The following WWOX variants were observed in gnomAD, a reference collection of about 807,000 sequenced individuals.
WWOX encodes the protein WW domain-containing oxidoreductase.
A neutral mutation model predicts 46.2 loss-of-function variants in WWOX; 69 were observed. The observed-to-expected ratio is 1.49, with a 90% CI of 1.23 to 1.82. WWOX has a LOEUF of 1.82. Ranked by LOEUF, WWOX falls within the 40% of genes most tolerant of loss-of-function variation. WWOX has a pLI of 0.00. For synonymous variants in WWOX, 359 were observed against 202.6 expected (o/e 1.77, Z -6.56); for missense variants, 919 against 542.6 (o/e 1.69, Z -6.89).
intron 5 of WWOX, among the ~76,000 whole-genome samples, chr16:78,196,152 C>G (rs975420395): frequency 6.6e-6 from 1 of 152,160 alleles, no homozygotes; most frequent in Non-Finnish European, 1.5e-5. Context: ...AATAATCTAC[C>G]TTTAAGGAAG....
chr16:78,877,269 C>T (rs1484698898), intron 8 of WWOX, among the ~76,000 whole-genome samples: 2 of 141,130 alleles, frequency 1.4e-5, no homozygotes, highest in East Asian at 2.1e-4. Flanking sequence ...TCTGTATGCC[C>T]TGCCTGCCTC....
At chr16:78,794,579 G>C (rs910834916) in intron 8 of WWOX, among the ~76,000 whole-genome samples, 1 of 152,180 alleles carries the variant, frequency 6.6e-6, no homozygotes, top group Non-Finnish European at 1.5e-5. Context: ...ATACCTCTTA[G>C]TGTTGCTGTG....
intron 8 of WWOX, among the ~76,000 whole-genome samples, chr16:78,908,267 C>T (rs572107498): frequency 7.9e-5 from 12 of 152,054 alleles, no homozygotes; most frequent in Admixed American, 3.3e-4. Context: ...GGTCCAGGCA[C>T]GGTGGCTCAT....
intron 8 of WWOX, among the ~76,000 whole-genome samples, chr16:78,516,180 C>G (rs1164892264): frequency 6.6e-6 from 1 of 152,184 alleles, no homozygotes; most frequent in Non-Finnish European, 1.5e-5. Flanking sequence ...AAGACCACAG[C>G]TGACAGCGCC....
intron 8 of WWOX, among the ~76,000 whole-genome samples, chr16:78,497,574 G>A (rs4243158): frequency 0.63 from 95,389 of 152,160 alleles, 33,740 homozygotes; most frequent in East Asian, 0.81. Flanking sequence ...GTGATAAGGG[G>A]TTAATATTCA....
intron 8 of WWOX, among the ~76,000 whole-genome samples, chr16:78,913,791 A>C (rs1376431452): frequency 6.6e-6 from 1 of 151,832 alleles, no homozygotes; most frequent in Non-Finnish European, 1.5e-5. Context: ...CCTCCTGAAT[A>C]GCTGGGACTA....
chr16:78,780,987 G>T (rs749624069), intron 8 of WWOX, among the ~76,000 whole-genome samples: 1 of 152,182 alleles, frequency 6.6e-6, no homozygotes, highest in Non-Finnish European at 1.5e-5. Flanking sequence ...CTGCAGACTG[G>T]TGTGGCCGAA....
intron 8 of WWOX, among the ~76,000 whole-genome samples, chr16:78,802,788 C>T (rs564875254): frequency 1.1e-4 from 17 of 151,100 alleles, no homozygotes; most frequent in South Asian, 2.1e-4. Flanking sequence ...TGGTGGTGGG[C>T]GCCTGTAATC....
intron 8 of WWOX, among the ~76,000 whole-genome samples, chr16:78,763,152 T>C (rs1158342968): frequency 6.6e-6 from 1 of 152,246 alleles, no homozygotes; most frequent in East Asian, 1.9e-4. Flanking sequence ...CTGAAAGCGT[T>C]ACAGTCAAGG....
At chr16:78,202,054 C>G (rs1031851935) in intron 5 of WWOX, among the ~76,000 whole-genome samples, 1 of 152,056 alleles carries the variant, frequency 6.6e-6, no homozygotes, top group Admixed American at 6.6e-5. Flanking sequence ...GTAACCACCC[C>G]TTTCCTTTCC....
At position 78,501,692 on chromosome 16, in the gene WWOX, A is replaced by C. The variant is rs530713810; in HGVS notation, c.1056+68940A>C. ...ACTAGGATTACAGGCATCCGCCACC[A>C]TGCTTGGGTAATTTTTGTACTTTTA... On this transcript the variant is annotated intron_variant, in intron 8 of 8. Coordinates refer to ENST00000566780, the MANE Select transcript of WWOX (RefSeq NM_016373.4). 4.6e-5 allele frequency among the ~76,000 whole-genome samples: 7 copies of C among 152,128 alleles called. No homozygotes were observed. The South Asian group carries it at 1.5e-3, about 32-fold the overall frequency.
chr16:79,156,978 A>G (rs1438119905), intron 8 of WWOX, among the ~76,000 whole-genome samples: 1 of 152,244 alleles, frequency 6.6e-6, no homozygotes, highest in African/African-American at 2.4e-5. Context: ...TGTTGCAGAT[A>G]CCCTGAAGAA....
chr16:78,303,962 C>G (rs2080089161), intron 5 of WWOX, among the ~76,000 whole-genome samples: 1 of 152,228 alleles, frequency 6.6e-6, no homozygotes, highest in Admixed American at 6.5e-5. Flanking sequence ...CTAGCAGCTT[C>G]TTTTAGAGCC....
chr16:78,817,688 C>A (rs572835540), intron 8 of WWOX, among the ~76,000 whole-genome samples: 2 of 152,098 alleles, frequency 1.3e-5, no homozygotes, highest in Non-Finnish European at 2.9e-5. Context: ...TGGTGGCAAA[C>A]GGGCCCTGTC....
intron 8 of WWOX, among the ~76,000 whole-genome samples, chr16:78,742,633 C>T (rs939542427): frequency 2.0e-5 from 3 of 152,276 alleles, no homozygotes; most frequent in East Asian, 1.9e-4. Flanking sequence ...GCCCTGGCTG[C>T]GCTGGTGACT....
At chr16:78,450,305 GA>G (rs2083662690) in intron 8 of WWOX, among the ~76,000 whole-genome samples, 1 of 152,132 alleles carries the variant, frequency 6.6e-6, no homozygotes, top group African/African-American at 2.4e-5. Context: ...TTTGAAAAAA[GA>G]AAGTGAAATA....
intron 8 of WWOX, among the ~76,000 whole-genome samples, chr16:78,625,737 C>G (rs1231170887): frequency 1.5e-5 from 2 of 131,578 alleles, no homozygotes; most frequent in East Asian, 2.2e-4. Flanking sequence ...GGTTTTACTT[C>G]TGCAGTTTTT....
Position 78,692,999 on chromosome 16 carries a change from A to G in WWOX, c.1056+260247A>G, listed in dbSNP as rs1026368171. Among the ~76,000 whole-genome samples, 4 of 152,210 alleles carry G rather than the reference A, an allele frequency of 2.6e-5. No homozygotes were observed. The South Asian group carries it at 8.3e-4, about 32-fold the overall frequency. On this transcript the variant is annotated intron_variant, in intron 8 of 8. Transcript: ENST00000566780. ...TGCCTTTTGCTATGGGGTTGCATCC[A>G]CGGAAGAGTTTGAAAGCCCAACCAT...
chr16:78,636,808 T>C (rs1035331095), intron 8 of WWOX, among the ~76,000 whole-genome samples: 15 of 152,144 alleles, frequency 9.9e-5, no homozygotes, highest in African/African-American at 3.4e-4. Context: ...GCATTCAACC[T>C]CCTGTTAATT....
Sources: gnomAD v4.1 joint callset for allele counts (sites outside exome capture counted in the v4.1 genomes callset) on GRCh38, gnomAD v4.1.1 for gene constraint, MANE v1.5 for transcripts, NCBI Gene and HGNC (gene_info 2026-07-23, HGNC 2026-07-21) for gene names.